PDE4D: variants seen among roughly 807,000 people sequenced by gnomAD.
The protein encoded by PDE4D is 3',5'-cyclic-AMP phosphodiesterase 4D.
In PDE4D, 24 loss-of-function variants were observed where a neutral mutation model predicts 87.4. That is an observed-to-expected ratio of 0.27 (90% CI 0.20 to 0.39). The LOEUF is 0.39. Ranked by LOEUF, PDE4D falls within the 10% of genes least tolerant of loss-of-function variation. The pLI, the probability that PDE4D is intolerant of heterozygous loss-of-function variation, is 1.00. For missense variants in PDE4D, 714 were observed against 1,041.0 expected, an observed-to-expected ratio of 0.69 and a Z score of 4.32; for synonymous variants, 384 against 383.2, an observed-to-expected ratio of 1.00 and a Z score of -0.02.
chr5:60,510,009 G>A (rs1402265217), intron 1 of PDE4D, among the ~76,000 whole-genome samples: 1 of 152,098 alleles, frequency 6.6e-6, no homozygotes, highest in African/African-American at 2.4e-5. Context: ...ATCACAGCTA[G>A]TTCCAGCACA....
At chr5:59,578,896 G>T (rs116081813) in intron 1 of PDE4D, among the ~76,000 whole-genome samples, 3 of 151,892 alleles carry the variant, frequency 2.0e-5, no homozygotes, top group Admixed American at 6.6e-5. Context: ...AAAGTGCTTG[G>T]TGTTCTTCAC....
At chr5:59,032,516 T>C (rs1312286672) in intron 6 of PDE4D, among the ~76,000 whole-genome samples, 1 of 152,034 alleles carries the variant, frequency 6.6e-6, no homozygotes, top group Non-Finnish European at 1.5e-5. Context: ...GAGGCGGAGG[T>C]TGCAGTGAGC....
chr5:60,061,986 C>A (rs1160564388), intron 2 of PDE4D, among the ~76,000 whole-genome samples: 1 of 152,154 alleles, frequency 6.6e-6, no homozygotes, highest in Non-Finnish European at 1.5e-5. Flanking sequence ...TAGGCAATCC[C>A]ATTCACGACA....
intron 1 of PDE4D, among the ~76,000 whole-genome samples, chr5:60,434,958 T>C (rs1744647560): frequency 1.3e-5 from 2 of 152,094 alleles, no homozygotes; most frequent in African/African-American, 4.8e-5. Context: ...ATAAATATGT[T>C]CAGAGTATAC....
intron 5 of PDE4D, among the ~76,000 whole-genome samples, chr5:59,111,992 T>C (rs1388736402): frequency 6.6e-6 from 1 of 152,196 alleles, no homozygotes; most frequent in Non-Finnish European, 1.5e-5. Context: ...TAGTAAATTA[T>C]GTGTTAGAAG....
intron 1 of PDE4D, among the ~76,000 whole-genome samples, chr5:59,874,882 A>G (rs1748326932): frequency 6.6e-6 from 1 of 151,818 alleles, no homozygotes; most frequent in African/African-American, 2.4e-5. Flanking sequence ...TTCTTAGACC[A>G]GTAAGCAATG....
intron 5 of PDE4D, among the ~76,000 whole-genome samples, chr5:59,102,239 A>T (rs1370668426): frequency 6.6e-6 from 1 of 151,894 alleles, no homozygotes; most frequent in Non-Finnish European, 1.5e-5. Flanking sequence ...GGCATGTGCC[A>T]CTACTCCTGG....
intron 5 of PDE4D, among the ~76,000 whole-genome samples, chr5:59,142,382 T>C (rs1057307160): frequency 1.3e-5 from 2 of 152,226 alleles, no homozygotes; most frequent in Non-Finnish European, 2.9e-5. Context: ...AATTCTAATT[T>C]CCAATTAGAT....
At chr5:60,451,615 T>G (rs1396301337) in intron 1 of PDE4D, among the ~76,000 whole-genome samples, 1 of 152,054 alleles carries the variant, frequency 6.6e-6, no homozygotes, top group Non-Finnish European at 1.5e-5. Context: ...AAAAGGCAAC[T>G]GATATTAAGG....
chr5:59,483,822 C>G (rs746963185), intron 1 of PDE4D, among the ~76,000 whole-genome samples: 3 of 152,178 alleles, frequency 2.0e-5, no homozygotes, highest in Non-Finnish European at 4.4e-5. Context: ...TTAGGGACAC[C>G]TTTGCTGCTC....
rs760134560 is a variant in PDE4D, at chr5:59,038,985, G to A, written c.809-14C>T. ...GGTAGGCCTCCTCTGCGAAGAGACAGGGAAAGGGGGACTCAGTTCTCAAGC... is the reference window on the plus strand; with the variant it reads ...GGTAGGCCTCCTCTGCGAAGAGACAAGGAAAGGGGGACTCAGTTCTCAAGC... On this transcript the variant is annotated splice_polypyrimidine_tract_variant and intron_variant, in intron 5 of 14. Coordinates refer to ENST00000340635, the MANE Select transcript of PDE4D (RefSeq NM_001104631.2). 10 of 1,564,182 alleles carry A rather than the reference G, an allele frequency of 6.4e-6. No homozygotes were observed. In the African/African-American group the frequency reaches 1.2e-4, roughly 19 times the overall value.
intron 1 of PDE4D, among the ~76,000 whole-genome samples, chr5:59,427,176 C>T (rs976932716): frequency 6.6e-6 from 1 of 151,834 alleles, no homozygotes; most frequent in African/African-American, 2.4e-5. Flanking sequence ...AAAGTCAGTG[C>T]TACATGCAGT....
chr5:60,314,676 C>T (rs1358122875), intron 1 of PDE4D, among the ~76,000 whole-genome samples: 1 of 151,882 alleles, frequency 6.6e-6, no homozygotes, highest in Admixed American at 6.6e-5. Context: ...GTGATGTTTC[C>T]CTTCCTGTGT....
At chr5:59,948,181 A>C (rs1407857235) in intron 3 of PDE4D, among the ~76,000 whole-genome samples, 1 of 152,192 alleles carries the variant, frequency 6.6e-6, no homozygotes, top group African/African-American at 2.4e-5. Context: ...AGTCATCCAA[A>C]GCTAAAAATA....
chr5:59,196,277 G>A (rs935330173), intron 2 of PDE4D, among the ~76,000 whole-genome samples: 6 of 152,110 alleles, frequency 3.9e-5, no homozygotes, highest in African/African-American at 1.2e-4. Flanking sequence ...ACAAAGACAC[G>A]CAGGTAGTAA....
At chr5:60,352,050 C>G (rs1471658595) in intron 1 of PDE4D, among the ~76,000 whole-genome samples, 1 of 151,870 alleles carries the variant, frequency 6.6e-6, no homozygotes, top group Non-Finnish European at 1.5e-5. Flanking sequence ...AGTCAACCCT[C>G]CGCTTTGGCC....
chr5:59,525,112 A>T (rs892122188), intron 1 of PDE4D, among the ~76,000 whole-genome samples: 1 of 152,096 alleles, frequency 6.6e-6, no homozygotes, highest in Admixed American at 6.5e-5. Context: ...CATCCTCCAG[A>T]CCCCAGAATG....
chr5:59,654,052 A>G (rs533175217), intron 1 of PDE4D, among the ~76,000 whole-genome samples: 57 of 152,190 alleles, frequency 3.7e-4, no homozygotes, highest in Non-Finnish European at 4.0e-4. Flanking sequence ...CAAAATATGT[A>G]AAAATTAGCC....
chr5:60,178,395 G>A (rs548114175), intron 2 of PDE4D, among the ~76,000 whole-genome samples: 2 of 152,212 alleles, frequency 1.3e-5, no homozygotes, highest in Admixed American at 6.5e-5. Flanking sequence ...TATGTTGGGT[G>A]AGGAATGCAT....
Sources: gnomAD v4.1 joint callset for allele counts (sites outside exome capture counted in the v4.1 genomes callset) on GRCh38, gnomAD v4.1.1 for gene constraint, MANE v1.5 for transcripts, NCBI Gene and HGNC (gene_info 2026-07-23, HGNC 2026-07-21) for gene names.